Variants in MAD1L1 observed in about 807,000 individuals in gnomAD.
MAD1L1 encodes mitotic spindle assembly checkpoint protein MAD1.
A neutral mutation model predicts 96.9 loss-of-function variants in MAD1L1; 95 were observed. The ratio of observed to expected loss-of-function variants is 0.98; its 90% CI spans 0.83 to 1.16. MAD1L1 has a LOEUF of 1.16. Among genes scored for constraint, MAD1L1 ranks in the 50% most tolerant of loss-of-function variants. The probability of loss-of-function intolerance (pLI) is 0.00; values close to 1 mark genes in which losing one functional copy is unlikely to be tolerated. For missense variants in MAD1L1, 1,007 were observed against 954.4 expected (o/e 1.06, Z -0.73); for synonymous variants, 473 against 396.6 (o/e 1.19, Z -2.29).
At chr7:1,925,748 C>A (rs1270376307) in intron 17 of MAD1L1, among the ~76,000 whole-genome samples, 2 of 152,178 alleles carry the variant, frequency 1.3e-5, no homozygotes, top group Non-Finnish European at 2.9e-5. Flanking sequence ...CATAAAAATA[C>A]AACATTATCA....
In MAD1L1 at chr7:1,922,712, G is replaced by A. The variant is rs571666186; in HGVS notation, c.1807+13975C>T. 7.1e-4 allele frequency among the ~76,000 whole-genome samples: 108 copies of A among 152,338 alleles called. 3 individuals carry two copies. In the South Asian group the frequency reaches 0.021, roughly 30 times the overall value. ...AGGGAAGGCCTCTGCCTGAGTCGGC[G>A]TTTCCCAGTCCCTCACCAGCCAGGT... is the stretch of plus-strand genomic sequence containing the variant. On this transcript the variant is annotated intron_variant, in intron 17 of 18. Transcript: ENST00000265854.
intron 12 of MAD1L1, among the ~76,000 whole-genome samples, chr7:2,064,143 C>T (rs1188926116): frequency 2.6e-5 from 4 of 152,176 alleles, no homozygotes; most frequent in East Asian, 1.9e-4. Context: ...TGCAGCCCAG[C>T]AACCCCCTGG....
At chr7:1,843,303 C>T (rs1477411466) in intron 18 of MAD1L1, among the ~76,000 whole-genome samples, 2 of 152,208 alleles carry the variant, frequency 1.3e-5, no homozygotes, top group Admixed American at 1.3e-4. Flanking sequence ...AACGGTAACA[C>T]TCTTCCCTCC....
chr7:2,000,941 C>T (rs992153954), intron 14 of MAD1L1, among the ~76,000 whole-genome samples: 2 of 152,240 alleles, frequency 1.3e-5, no homozygotes, highest in Non-Finnish European at 2.9e-5. Context: ...AGCCTAGGCC[C>T]TGGTGCCCGT....
intron 17 of MAD1L1, among the ~76,000 whole-genome samples, chr7:1,901,286 C>T (rs145603391): frequency 1.3e-3 from 201 of 152,342 alleles, no homozygotes; most frequent in African/African-American, 4.3e-3. Flanking sequence ...ATGGGTTTTC[C>T]GCCTTGGAAA....
At chr7:1,838,445 A>T in intron 18 of MAD1L1, 1 of 258,122 alleles carries the variant, frequency 3.9e-6, no homozygotes, top group South Asian at 4.9e-5. Context: ...CTATCAACGG[A>T]TGAACGGATA....
At chr7:2,217,839 G>C in intron 7 of MAD1L1, 123 bp downstream of exon 7, 1 of 806,570 alleles carries the variant, frequency 1.2e-6, no homozygotes, top group Non-Finnish European at 2.1e-6. Context: ...CCAACACACA[G>C]GGCAGCAGCT....
At chr7:1,857,745 G>C (rs1157088959) in intron 18 of MAD1L1, among the ~76,000 whole-genome samples, 1 of 152,218 alleles carries the variant, frequency 6.6e-6, no homozygotes, top group Non-Finnish European at 1.5e-5. Flanking sequence ...GGACGTCCTG[G>C]TCCTGCTACA....
chr7:2,022,392 A>T (rs2128502387), intron 12 of MAD1L1, among the ~76,000 whole-genome samples: 1 of 152,310 alleles, frequency 6.6e-6, no homozygotes. Flanking sequence ...GCACTTTGGG[A>T]GGCTGAGGCA....
At chr7:2,170,173 C>T (rs1012983086) in intron 10 of MAD1L1, among the ~76,000 whole-genome samples, 1 of 152,178 alleles carries the variant, frequency 6.6e-6, no homozygotes, top group African/African-American at 2.4e-5. Context: ...TTGGCAGCCA[C>T]GTGAAGCAGC....
At chr7:1,864,259 A>AGGAGGAGG (rs1341438015) in intron 18 of MAD1L1, among the ~76,000 whole-genome samples, 1 of 152,174 alleles carries the variant, frequency 6.6e-6, no homozygotes, top group East Asian at 1.9e-4. Flanking sequence ...GAACACCTGA[A>AGGAGGAGG]GGAGGAGGGG....
intron 17 of MAD1L1, among the ~76,000 whole-genome samples, 186 bp downstream of exon 17, chr7:1,936,501 C>T (rs572004006): frequency 1.4e-3 from 216 of 152,322 alleles, no homozygotes; most frequent in African/African-American, 4.7e-3. Context: ...CACAACCCCA[C>T]GGGGCCATGG....
chr7:1,984,628 T>C (rs1235902798), intron 14 of MAD1L1, among the ~76,000 whole-genome samples: 1 of 152,242 alleles, frequency 6.6e-6, no homozygotes, highest in African/African-American at 2.4e-5. Context: ...CTGAGCGGCT[T>C]CTGGCTTGAA....
intron 11 of MAD1L1, among the ~76,000 whole-genome samples, chr7:2,130,397 G>A (rs1788456157): frequency 6.6e-6 from 1 of 152,214 alleles, no homozygotes; most frequent in Admixed American, 6.5e-5. Flanking sequence ...GGGCACACCA[G>A]ATGAACAGAC....
intron 3 of MAD1L1, among the ~76,000 whole-genome samples, chr7:2,227,338 C>T (rs1162595404): frequency 1.3e-5 from 2 of 152,140 alleles, no homozygotes; most frequent in South Asian, 2.1e-4. Context: ...ATTCTCAGGG[C>T]GTTCACATGC....
chr7:2,209,248 C>T (rs1024899105), intron 10 of MAD1L1, among the ~76,000 whole-genome samples: 1 of 152,182 alleles, frequency 6.6e-6, no homozygotes, highest in Non-Finnish European at 1.5e-5. Context: ...CATAAGAAGC[C>T]CTACATGGGG....
chr7:1,925,890 G>A (rs1308116844), intron 17 of MAD1L1, among the ~76,000 whole-genome samples: 3 of 151,938 alleles, frequency 2.0e-5, no homozygotes, highest in African/African-American at 7.3e-5. Context: ...AAAAAGGAGA[G>A]CAAACTAAAA....
intron 18 of MAD1L1, among the ~76,000 whole-genome samples, chr7:1,855,089 C>CCGGTGGGTGTTTG: frequency 6.6e-6 from 1 of 152,304 alleles, no homozygotes; most frequent in Non-Finnish European, 1.5e-5. Context: ...TTCAGGGTCA[C>CCGGTGGGTGTTTG]CCTTCCTCTG....
intron 3 of MAD1L1, among the ~76,000 whole-genome samples, chr7:2,226,534 TG>T (rs1793907505): frequency 6.6e-6 from 1 of 152,184 alleles, no homozygotes; most frequent in South Asian, 2.1e-4. Context: ...CCAGAAGACT[TG>T]CCAAATAGTT....
Sources: gnomAD v4.1 joint callset for allele counts (sites outside exome capture counted in the v4.1 genomes callset) on GRCh38, gnomAD v4.1.1 for gene constraint, MANE v1.5 for transcripts, NCBI Gene and HGNC (gene_info 2026-07-23, HGNC 2026-07-21) for gene names.